PHLPP1: variants seen among roughly 807,000 people sequenced by gnomAD.
PHLPP1 encodes PH domain leucine-rich repeat-containing protein phosphatase 1.
In PHLPP1, 42 loss-of-function variants were observed where a neutral mutation model predicts 117.2. That is an observed-to-expected ratio of 0.36 (90% CI 0.28 to 0.46). PHLPP1 has a LOEUF of 0.46. Ranked by LOEUF, PHLPP1 falls within the 20% of genes least tolerant of loss-of-function variation. The pLI, the probability that PHLPP1 is intolerant of heterozygous loss-of-function variation, is 1.00. For missense variants in PHLPP1, 2,084 were observed against 2,241.9 expected, an observed-to-expected ratio of 0.93 and a Z score of 1.42; for synonymous variants, 1,042 against 970.7, an observed-to-expected ratio of 1.07 and a Z score of -1.37.
intron 4 of PHLPP1, among the ~76,000 whole-genome samples, chr18:62,868,778 G>A (rs1014332032): frequency 1.3e-5 from 2 of 151,936 alleles, no homozygotes; most frequent in Non-Finnish European, 2.9e-5. Context: ...AAGAACACAT[G>A]TCTGATAAGA....
intron 1 of PHLPP1, among the ~76,000 whole-genome samples, chr18:62,811,077 T>C (rs1253875522): frequency 2.0e-5 from 3 of 152,156 alleles, no homozygotes; most frequent in Non-Finnish European, 4.4e-5. Context: ...GAAAAACCTA[T>C]TGGTGTTTTG....
intron 1 of PHLPP1, among the ~76,000 whole-genome samples, chr18:62,728,967 T>G (rs1186850907): frequency 6.6e-6 from 1 of 152,158 alleles, no homozygotes; most frequent in Non-Finnish European, 1.5e-5. Context: ...AATAATAATT[T>G]GAAATAGCTC....
chr18:62,877,983 C>G (rs1484639657), intron 4 of PHLPP1, among the ~76,000 whole-genome samples: 1 of 152,198 alleles, frequency 6.6e-6, no homozygotes, highest in African/African-American at 2.4e-5. Flanking sequence ...TTTATTCCCA[C>G]TTAAATAGAA....
chr18:62,730,153 G>C lies in PHLPP1; in HGVS notation c.1576+12894G>C, dbSNP rs115882175. On this transcript the variant is annotated intron_variant, in intron 1 of 16. Coordinates refer to ENST00000262719, the MANE Select transcript of PHLPP1 (RefSeq NM_194449.4). The stretch of plus-strand genomic sequence containing the variant: ...TGAATATGGAAAACGTATCCCTAAT[G>C]AGCTTCTGTGGTCAGTTTGGGCACA... Among the ~76,000 whole-genome samples, 1,178 of 152,278 alleles carry C rather than the reference G, an allele frequency of 7.7e-3. 18 individuals carry two copies. Among genetic ancestry groups the C allele is most frequent in the African/African-American group, 0.027 (1,129 of 41,552 alleles).
chr18:62,948,740 G>A lies in PHLPP1; in HGVS notation c.3324+3469G>A, dbSNP rs192037585. On this transcript the variant is annotated intron_variant, in intron 12 of 16. Transcript: ENST00000262719. ...CTGAGCAATATCAAGTATCCTTTAT[G>A]TACAAACATGTAAATGTTTCATCCC... Among the ~76,000 whole-genome samples the A allele has an allele frequency of 2.5e-4, 38 of 150,440 alleles. No homozygotes were observed. The East Asian group carries it at 7.0e-3, about 28-fold the overall frequency.
chr18:62,776,916 G>A lies in PHLPP1; in HGVS notation c.1577-53119G>A, dbSNP rs148339408. 5.3e-3 allele frequency among the ~76,000 whole-genome samples: 803 copies of A among 152,216 alleles called. 33 individuals are homozygous for A. Among genetic ancestry groups the A allele is most frequent in the Admixed American group, 0.041 (634 of 15,282 alleles). On this transcript the variant is annotated intron_variant, in intron 1 of 16. Transcript: ENST00000262719. ...AGCCACCATGCCCAGCCTGCTGACT[G>A]GTATTGTATTGTATGAATACATGAC...
intron 2 of PHLPP1, among the ~76,000 whole-genome samples, chr18:62,835,564 A>T (rs1389875652): frequency 1.3e-5 from 2 of 152,044 alleles, no homozygotes; most frequent in Non-Finnish European, 2.9e-5. Context: ...ATGTTTGATA[A>T]ATACCCTTGG....
chr18:62,717,154 C>A lies in PHLPP1; in HGVS notation c.1471C>A (p.Gln491Lys). Residue 491 changes from glutamine (Q) to lysine (K), a missense_variant, in exon 1 of 17, where the codon CAG (glutamine) becomes AAG (lysine). By Grantham distance (53) the Gln-to-Lys change is moderately conservative. Coordinates refer to ENST00000262719, the MANE Select transcript of PHLPP1 (RefSeq NM_194449.4). ...CTTGGAGGCGGAGGAGAAGCCATTGCAGATCCAAAATGACTACCTCTTCCA... is the reference window on the plus strand; with the variant it reads ...CTTGGAGGCGGAGGAGAAGCCATTGAAGATCCAAAATGACTACCTCTTCCA... ...RRLEAEEKPL[Q>K]IQNDYLFQLG... 2.5e-6 allele frequency: 4 copies of A among 1,611,224 alleles called. No homozygotes were observed. Among genetic ancestry groups the A allele is most frequent in the Non-Finnish European group, 3.4e-6 (4 of 1,178,778 alleles).
At position 62,979,408 on chromosome 18, in the gene PHLPP1, G is replaced by A; in HGVS notation, c.5131G>A (p.Asp1711Asn). ...GCACTACCAGCTGGACCAGCTGCCA[G>A]ATTATTACGACACGCCACTATGACC... is the stretch of plus-strand genomic sequence containing the variant. ...PRHYQLDQLP[D>N]YYDTPL The change falls in exon 17 of 17, where the codon GAT becomes AAT. Residue 1711 changes from aspartate (D) to asparagine (N), a missense_variant. Transcript: ENST00000262719. 6.4e-7 allele frequency: 1 copy of A among 1,551,504 alleles called. No individual in the cohort carries two copies. The highest frequency in any genetic ancestry group is 8.7e-7 in the Non-Finnish European group (1 of 1,146,926).
intron 9 of PHLPP1, 32 bp downstream of exon 9, chr18:62,915,040 A>C: frequency 4.7e-5 from 68 of 1,458,654 alleles, no homozygotes; most frequent in Non-Finnish European, 5.8e-5. Context: ...AGAGGATCTC[A>C]CAATAAATGA....
chr18:62,857,334 A>G (rs1915526077), intron 3 of PHLPP1, among the ~76,000 whole-genome samples: 2 of 151,150 alleles, frequency 1.3e-5, no homozygotes, highest in Admixed American at 6.6e-5. Context: ...TTGCATTTGT[A>G]TCAAGTCAGA....
chr18:62,926,287 T>C (rs766731635), intron 10 of PHLPP1, among the ~76,000 whole-genome samples: 7 of 152,206 alleles, frequency 4.6e-5, no homozygotes, highest in Non-Finnish European at 7.3e-5. Flanking sequence ...TGGCCGATTA[T>C]GTAATCTTAG....
intron 4 of PHLPP1, among the ~76,000 whole-genome samples, chr18:62,872,997 A>T (rs2144375099): frequency 6.8e-6 from 1 of 147,596 alleles, no homozygotes; most frequent in South Asian, 2.2e-4. Context: ...AAAAAAAAAA[A>T]AAAAAAAAAA....
At chr18:62,923,910 T>G (rs1298035059) in intron 10 of PHLPP1, among the ~76,000 whole-genome samples, 1 of 152,212 alleles carries the variant, frequency 6.6e-6, no homozygotes, top group East Asian at 1.9e-4. Flanking sequence ...TTGTGATTTG[T>G]TTTTGTTCAC....
chr18:62,815,590 A>T (rs886802698), intron 1 of PHLPP1, among the ~76,000 whole-genome samples: 27 of 152,206 alleles, frequency 1.8e-4, no homozygotes, highest in Admixed American at 1.6e-3. Flanking sequence ...TATCCTCACG[A>T]CAGGGCAGCT....
chr18:62,867,993 G>A (rs1198094559), intron 4 of PHLPP1, among the ~76,000 whole-genome samples: 2 of 152,130 alleles, frequency 1.3e-5, no homozygotes, highest in African/African-American at 4.8e-5. Context: ...TCTATTTTTA[G>A]TGGAGACAAG....
chr18:62,737,166 A>T (rs191963739), intron 1 of PHLPP1, among the ~76,000 whole-genome samples: 1 of 152,158 alleles, frequency 6.6e-6, no homozygotes, highest in African/African-American at 2.4e-5. Context: ...GATTCCTGGG[A>T]AAGATTCTCT....
intron 2 of PHLPP1, among the ~76,000 whole-genome samples, chr18:62,833,249 C>G (rs1599071909): frequency 6.6e-6 from 1 of 151,970 alleles, no homozygotes; most frequent in Admixed American, 6.6e-5. Context: ...AATTTTTGTA[C>G]TTTTAGTAGA....
intron 1 of PHLPP1, among the ~76,000 whole-genome samples, chr18:62,823,198 CTT>C (rs1914516024): frequency 6.6e-6 from 1 of 152,078 alleles, no homozygotes; most frequent in Non-Finnish European, 1.5e-5. Context: ...AAAATGGAAA[CTT>C]TTGCTTTCTG....
Sources: gnomAD v4.1 joint callset for allele counts (sites outside exome capture counted in the v4.1 genomes callset) on GRCh38, gnomAD v4.1.1 for gene constraint, MANE v1.5 for transcripts, NCBI Gene and HGNC (gene_info 2026-07-23, HGNC 2026-07-21) for gene names.